ACOXL: variants seen among roughly 807,000 people sequenced by gnomAD.
ACOXL encodes acyl-CoA oxidase like.
Under a neutral mutation model 71.9 loss-of-function variants are expected in ACOXL, and 70 were observed. The ratio of observed to expected loss-of-function variants is 0.97; its 90% CI spans 0.80 to 1.19. The LOEUF is 1.19. Ranked by LOEUF, ACOXL falls within the 50% of genes most tolerant of loss-of-function variation. The pLI is 0.00. For synonymous variants in ACOXL, 253 were observed against 281.6 expected, an observed-to-expected ratio of 0.90 and a Z score of 1.02; for missense variants, 703 against 736.3, an observed-to-expected ratio of 0.95 and a Z score of 0.52.
Position 110,756,190 on chromosome 2 carries a change from G to A in ACOXL, c.-22-12178G>A, listed in dbSNP as rs554010898. 4.1e-3 allele frequency among the ~76,000 whole-genome samples: 620 copies of A among 151,960 alleles called. 3 individuals carry two copies. The highest frequency in any genetic ancestry group is 6.8e-3 in the Middle Eastern group (2 of 294). ...TGCCCAGGCTGGAGTGCAATGGCAC[G>A]ATCTCGGCTCACTGCAACCTCCGCC... On this transcript the variant is annotated intron_variant, in intron 1 of 17. Transcript: ENST00000439055.
intron 17 of ACOXL, among the ~76,000 whole-genome samples, chr2:111,112,471 A>G (rs528890939): frequency 5.3e-5 from 8 of 152,348 alleles, no homozygotes; most frequent in Non-Finnish European, 1.5e-5. Flanking sequence ...CTGCTTAGTC[A>G]GGCATAAGGA....
At chr2:110,965,361 C>T (rs151308331) in intron 12 of ACOXL, among the ~76,000 whole-genome samples, 11 of 152,102 alleles carry the variant, frequency 7.2e-5, no homozygotes, top group African/African-American at 1.7e-4. Flanking sequence ...ATTGCTGGAT[C>T]GTAGGGTAGT....
At chr2:111,008,507 C>T (rs1477215396) in intron 14 of ACOXL, among the ~76,000 whole-genome samples, 1 of 152,208 alleles carries the variant, frequency 6.6e-6, no homozygotes, top group Non-Finnish European at 1.5e-5. Flanking sequence ...TATACTGTAG[C>T]TTACTCCACC....
intron 16 of ACOXL, among the ~76,000 whole-genome samples, chr2:111,065,460 G>A (rs13032068): frequency 0.084 from 12,845 of 152,254 alleles, 643 homozygotes; most frequent in Non-Finnish European, 0.11. Context: ...TGGTTAGACG[G>A]TGAGCTCTTA....
intron 3 of ACOXL, among the ~76,000 whole-genome samples, chr2:110,788,982 C>T (rs1251650132): frequency 1.3e-5 from 2 of 152,214 alleles, no homozygotes; most frequent in African/African-American, 2.4e-5. Flanking sequence ...GAGGAAGGGA[C>T]GTCAGCATCA....
At chr2:110,938,172 T>A (rs2060735347) in intron 12 of ACOXL, among the ~76,000 whole-genome samples, 1 of 151,938 alleles carries the variant, frequency 6.6e-6, no homozygotes, top group African/African-American at 2.4e-5. Flanking sequence ...GCCTTCCAGG[T>A]GGGGCTGGAG....
intron 10 of ACOXL, among the ~76,000 whole-genome samples, chr2:110,883,487 G>C (rs373079877): frequency 6.6e-6 from 1 of 152,142 alleles, no homozygotes; most frequent in Non-Finnish European, 1.5e-5. Context: ...GTCCTGGTTT[G>C]CTCCTGTTGG....
intron 10 of ACOXL, among the ~76,000 whole-genome samples, chr2:110,904,212 G>A (rs556915448): frequency 6.6e-6 from 1 of 152,308 alleles, no homozygotes. Context: ...GCCCCTGGCA[G>A]GAAAGCCTGT....
At chr2:111,097,187 C>T (rs1325827218) in intron 17 of ACOXL, among the ~76,000 whole-genome samples, 1 of 152,072 alleles carries the variant, frequency 6.6e-6, no homozygotes, top group Non-Finnish European at 1.5e-5. Flanking sequence ...AAGATGTTTT[C>T]TGTATTTTCT....
chr2:110,747,487 C>T (rs1460300332), intron 1 of ACOXL, among the ~76,000 whole-genome samples: 2 of 152,218 alleles, frequency 1.3e-5, no homozygotes, highest in Non-Finnish European at 2.9e-5. Context: ...TTTGTTTTCT[C>T]AGCTAGCCTC....
At chr2:110,913,606 G>T (rs896003944) in intron 11 of ACOXL, among the ~76,000 whole-genome samples, 1 of 152,128 alleles carries the variant, frequency 6.6e-6, no homozygotes, top group African/African-American at 2.4e-5. Context: ...AGGGGTAAAG[G>T]AGGTGTATTT....
At chr2:110,931,418 A>G (rs116539676) in intron 11 of ACOXL, among the ~76,000 whole-genome samples, 2,226 of 152,206 alleles carry the variant, frequency 0.015, 27 homozygotes, top group Middle Eastern at 0.051. Context: ...TTAAATACCC[A>G]TTTCTGAGAT....
chr2:110,863,078 A>G (rs369061704), intron 10 of ACOXL, among the ~76,000 whole-genome samples: 2 of 152,386 alleles, frequency 1.3e-5, no homozygotes, highest in East Asian at 3.8e-4. Flanking sequence ...ATGTAAATAC[A>G]TAAAAAGGAC....
At chr2:110,749,448 G>A (rs749542340) in intron 1 of ACOXL, among the ~76,000 whole-genome samples, 7 of 152,282 alleles carry the variant, frequency 4.6e-5, no homozygotes, top group Admixed American at 2.0e-4. Flanking sequence ...TTGACAGGCC[G>A]GACAGGGTGG....
At chr2:110,799,218 C>T in intron 7 of ACOXL, 118 bp downstream of exon 7, 1 of 941,342 alleles carries the variant, frequency 1.1e-6, no homozygotes, top group Non-Finnish European at 1.7e-6. Context: ...AAAACTTCCC[C>T]AGAGAAGATG....
At chr2:110,943,172 G>A (rs115240260) in intron 12 of ACOXL, among the ~76,000 whole-genome samples, 18,290 of 141,846 alleles carry the variant, frequency 0.13, 1,416 homozygotes, top group East Asian at 0.26. Flanking sequence ...GAAAAAGGGA[G>A]GGAGGGAAAG....
At chr2:110,892,041 A>G (rs1697986197) in intron 10 of ACOXL, among the ~76,000 whole-genome samples, 1 of 152,216 alleles carries the variant, frequency 6.6e-6, no homozygotes, top group Non-Finnish European at 1.5e-5. Flanking sequence ...TTCCCAGGCC[A>G]TATCTCTGCA....
At chr2:110,947,711 C>T (rs898698690) in intron 12 of ACOXL, among the ~76,000 whole-genome samples, 2 of 152,138 alleles carry the variant, frequency 1.3e-5, no homozygotes, top group East Asian at 1.9e-4. Context: ...GCCATCTTCT[C>T]GGCCACTGCT....
At chr2:110,850,453 C>T (rs979585232) in intron 10 of ACOXL, among the ~76,000 whole-genome samples, 8 of 152,130 alleles carry the variant, frequency 5.3e-5, no homozygotes, top group South Asian at 2.1e-4. Flanking sequence ...GCAAAAAATA[C>T]TCGAACTGAT....
Sources: gnomAD v4.1 joint callset for allele counts (sites outside exome capture counted in the v4.1 genomes callset) on GRCh38, gnomAD v4.1.1 for gene constraint, MANE v1.5 for transcripts, NCBI Gene and HGNC (gene_info 2026-07-23, HGNC 2026-07-21) for gene names.